Variants in SAMMSON observed in about 807,000 individuals in gnomAD.
The protein encoded by SAMMSON is long intergenic non-protein coding RNA 1212.
chr3:70,283,001 A>G (rs1012904126), intron 6 of SAMMSON, among the ~76,000 whole-genome samples: 4 of 152,330 alleles, frequency 2.6e-5, no homozygotes, highest in Admixed American at 1.3e-4. Flanking sequence ...ATGGAGCAGG[A>G]GACTGAAAAA....
At chr3:70,287,847 G>T (rs1458778084) in intron 6 of SAMMSON, among the ~76,000 whole-genome samples, 1 of 151,866 alleles carries the variant, frequency 6.6e-6, no homozygotes, top group Non-Finnish European at 1.5e-5. Flanking sequence ...TATTTGCGTA[G>T]AGGTGTTTGT....
chr3:70,184,685 G>A (rs1347176826), intron 4 of SAMMSON, among the ~76,000 whole-genome samples: 2 of 152,204 alleles, frequency 1.3e-5, no homozygotes, highest in Non-Finnish European at 2.9e-5. Flanking sequence ...AGGTAAATCA[G>A]AACAGAAATT....
At chr3:70,353,267 T>G (rs1412206442) in intron 7 of SAMMSON, among the ~76,000 whole-genome samples, 2 of 152,116 alleles carry the variant, frequency 1.3e-5, no homozygotes, top group South Asian at 4.1e-4. Flanking sequence ...GAAAAAACTT[T>G]TCTCATAAAA....
rs151242413 is a variant in SAMMSON at position 70,280,338 on chromosome 3, T to C, written n.675-10841T>C. Among the ~76,000 whole-genome samples, 85 of 152,268 alleles carry C rather than the reference T, an allele frequency of 5.6e-4. No individual in the cohort carries two copies. The East Asian group carries it at 0.016, about 28-fold the overall frequency. ...TCAGTCACATCTACGAAGACCCTTT[T>C]TCCTTAAGAGGTAATATGTACAGGT... On this transcript the variant is annotated intron_variant and non_coding_transcript_variant, in intron 6 of 9. Transcript: ENST00000642114.
intron 7 of SAMMSON, among the ~76,000 whole-genome samples, chr3:70,330,591 A>G (rs1702615002): frequency 6.6e-6 from 1 of 152,088 alleles, no homozygotes; most frequent in South Asian, 2.1e-4. Context: ...TATTTCCAAC[A>G]TAAAAATTGT....
chr3:70,068,663 A>G (rs1166776724), intron 3 of SAMMSON: 1 of 152,132 alleles, frequency 6.6e-6, no homozygotes, highest in African/African-American at 2.4e-5. Flanking sequence ...GCGAGGGATG[A>G]AATATTTCTT....
chr3:70,124,676 G>C (rs2067448292), intron 4 of SAMMSON, among the ~76,000 whole-genome samples: 1 of 151,734 alleles, frequency 6.6e-6, no homozygotes, highest in Non-Finnish European at 1.5e-5. Context: ...TTAGCTGGGT[G>C]TGGTGGCGGG....
chr3:70,324,807 G>C (rs1338162077), intron 7 of SAMMSON, among the ~76,000 whole-genome samples: 2 of 151,862 alleles, frequency 1.3e-5, no homozygotes, highest in African/African-American at 2.4e-5. Flanking sequence ...CAAAAGCACA[G>C]CGTAATGCAT....
At chr3:70,358,182 C>T (rs1702844080) in intron 8 of SAMMSON, 1 of 152,110 alleles carries the variant, frequency 6.6e-6, no homozygotes. Flanking sequence ...TTGAAACTTA[C>T]TGTTTCCTAA....
intron 9 of SAMMSON, among the ~76,000 whole-genome samples, chr3:70,362,354 G>A (rs1034972377): frequency 1.3e-5 from 2 of 152,126 alleles, no homozygotes; most frequent in Non-Finnish European, 1.5e-5. Flanking sequence ...GGGAAAACTA[G>A]AAGTAGTAGA....
At chr3:70,155,174 C>G (rs1349137145) in intron 4 of SAMMSON, among the ~76,000 whole-genome samples, 1 of 151,796 alleles carries the variant, frequency 6.6e-6, no homozygotes, top group Non-Finnish European at 1.5e-5. Context: ...CTATTTGGGC[C>G]TCATTTTCCT....
At chr3:70,304,933 A>G (rs998797825) in intron 7 of SAMMSON, among the ~76,000 whole-genome samples, 3 of 150,606 alleles carry the variant, frequency 2.0e-5, no homozygotes. Flanking sequence ...CTTCCTTTCT[A>G]TCCAGCTACT....
chr3:70,103,945 A>G (rs1032465976), intron 4 of SAMMSON, among the ~76,000 whole-genome samples: 12 of 151,524 alleles, frequency 7.9e-5, no homozygotes, highest in Non-Finnish European at 1.6e-4. Flanking sequence ...GACTATTTGC[A>G]TGAAAATAAA....
chr3:70,024,206 A>C (rs1244387406), intron 3 of SAMMSON, among the ~76,000 whole-genome samples: 2 of 152,204 alleles, frequency 1.3e-5, no homozygotes, highest in Non-Finnish European at 2.9e-5. Context: ...TGAGCGGTAC[A>C]AGTCTAGACA....
chr3:70,115,969 A>C (rs2067409249), intron 4 of SAMMSON, among the ~76,000 whole-genome samples: 2 of 151,936 alleles, frequency 1.3e-5, no homozygotes, highest in African/African-American at 4.8e-5. Context: ...CTGTTATTGA[A>C]CTCAGGAACA....
intron 4 of SAMMSON, chr3:70,120,766 G>A (rs1426103721): frequency 6.6e-6 from 1 of 152,166 alleles, no homozygotes; most frequent in Admixed American, 6.5e-5. Flanking sequence ...TGCTGAGTCA[G>A]GGATGCACTG....
At chr3:70,338,492 T>C (rs1702683879) in intron 7 of SAMMSON, among the ~76,000 whole-genome samples, 1 of 152,062 alleles carries the variant, frequency 6.6e-6, no homozygotes, top group South Asian at 2.1e-4. Flanking sequence ...TGATTGTATA[T>C]ATAGAAAACC....
intron 9 of SAMMSON, among the ~76,000 whole-genome samples, chr3:70,382,638 G>A (rs762989819): frequency 2.0e-5 from 3 of 149,504 alleles, no homozygotes; most frequent in Non-Finnish European, 4.5e-5. Flanking sequence ...TAGCAATTCT[G>A]TACACTAGTA....
At chr3:70,055,891 A>T (rs1318610795) in intron 3 of SAMMSON, among the ~76,000 whole-genome samples, 1 of 151,940 alleles carries the variant, frequency 6.6e-6, no homozygotes, top group Non-Finnish European at 1.5e-5. Flanking sequence ...GCCAATACCT[A>T]CCTCATAAAT....
Sources: gnomAD v4.1 joint callset for allele counts (sites outside exome capture counted in the v4.1 genomes callset) on GRCh38, gnomAD v4.1.1 for gene constraint, MANE v1.5 for transcripts, NCBI Gene and HGNC (gene_info 2026-07-23, HGNC 2026-07-21) for gene names.